The following SNTG1 variants were observed in gnomAD, a reference collection of about 807,000 sequenced individuals.
The protein encoded by SNTG1 is syntrophin gamma 1, also known as gamma-1-syntrophin.
In SNTG1, 39 loss-of-function variants were observed where a neutral mutation model predicts 74.7. That is an observed-to-expected ratio of 0.52 (90% CI 0.40 to 0.68). The LOEUF (loss-of-function observed/expected upper bound fraction) is 0.68. SNTG1 is among the 30% of genes least tolerant of loss of function. The pLI is 0.00. For synonymous variants in SNTG1, 254 were observed against 217.1 expected, an observed-to-expected ratio of 1.17 and a Z score of -1.49; for missense variants, 685 against 609.5, an observed-to-expected ratio of 1.12 and a Z score of -1.30.
chr8:50,220,157 T>G (rs2084991988), intron 2 of SNTG1, among the ~76,000 whole-genome samples: 1 of 152,054 alleles, frequency 6.6e-6, no homozygotes, highest in South Asian at 2.1e-4. Context: ...AGATAAAATT[T>G]TATTGATCAT....
intron 2 of SNTG1, among the ~76,000 whole-genome samples, chr8:50,361,490 A>G (rs1002306186): frequency 6.6e-6 from 1 of 152,272 alleles, no homozygotes; most frequent in Non-Finnish European, 1.5e-5. Flanking sequence ...GTTGGGATCT[A>G]TGGTTTCAAA....
At chr8:50,516,595 T>G (rs1040352294) in intron 9 of SNTG1, among the ~76,000 whole-genome samples, 3 of 152,050 alleles carry the variant, frequency 2.0e-5, no homozygotes, top group Non-Finnish European at 4.4e-5. Flanking sequence ...TAGAGAAGAA[T>G]ATAAATGACC....
chr8:50,088,283 C>A (rs1345018417), intron 1 of SNTG1, among the ~76,000 whole-genome samples: 1 of 148,786 alleles, frequency 6.7e-6, no homozygotes, highest in African/African-American at 2.5e-5. Flanking sequence ...CTATGACAAA[C>A]CCACAGCCAA....
At chr8:50,203,484 G>T (rs1337068113) in intron 2 of SNTG1, among the ~76,000 whole-genome samples, 1 of 152,090 alleles carries the variant, frequency 6.6e-6, no homozygotes, top group Non-Finnish European at 1.5e-5. Flanking sequence ...TTGTTGTAAG[G>T]AGTGGAGTAG....
intron 13 of SNTG1, among the ~76,000 whole-genome samples, chr8:50,607,759 C>A (rs2094823209): frequency 6.6e-6 from 1 of 151,104 alleles, no homozygotes; most frequent in African/African-American, 2.4e-5. Context: ...CTTCTTTTGG[C>A]TTTCTGTTTA....
At chr8:50,395,506 G>GT (rs1554514155) in intron 3 of SNTG1, among the ~76,000 whole-genome samples, 2,469 of 135,632 alleles carry the variant, frequency 0.018, 82 homozygotes, top group African/African-American at 0.062. Flanking sequence ...TCTAATTTCT[G>GT]TTTTTTTTTT....
intron 1 of SNTG1, among the ~76,000 whole-genome samples, chr8:49,961,864 A>G (rs1294744889): frequency 1.3e-5 from 2 of 152,216 alleles, no homozygotes; most frequent in Non-Finnish European, 2.9e-5. Flanking sequence ...AAACCACACA[A>G]TTAAGTACTA....
intron 1 of SNTG1, among the ~76,000 whole-genome samples, chr8:50,050,009 T>C (rs1327522919): frequency 6.6e-6 from 1 of 151,544 alleles, no homozygotes; most frequent in Non-Finnish European, 1.5e-5. Flanking sequence ...ATAAAATAAA[T>C]ATTGAAATCA....
At chr8:50,520,301 T>C (rs890299367) in intron 9 of SNTG1, among the ~76,000 whole-genome samples, 4 of 152,174 alleles carry the variant, frequency 2.6e-5, no homozygotes, top group Non-Finnish European at 4.4e-5. Flanking sequence ...CAAGATGGAT[T>C]GAAGACTTAA....
At chr8:50,718,260 A>G (rs527342594) in intron 17 of SNTG1, among the ~76,000 whole-genome samples, 1 of 152,310 alleles carries the variant, frequency 6.6e-6, no homozygotes, top group African/African-American at 2.4e-5. Flanking sequence ...ACACTGACAG[A>G]GGAGGAGGAA....
At chr8:50,776,540 C>A (rs1038776380) in intron 18 of SNTG1, among the ~76,000 whole-genome samples, 1 of 147,074 alleles carries the variant, frequency 6.8e-6, no homozygotes, top group African/African-American at 2.5e-5. Flanking sequence ...TTATACTATT[C>A]TTTATATAAT....
At chr8:50,681,948 C>A (rs950693151) in intron 15 of SNTG1, among the ~76,000 whole-genome samples, 7 of 152,158 alleles carry the variant, frequency 4.6e-5, no homozygotes, top group African/African-American at 1.7e-4. Context: ...GTTGCTCTTG[C>A]CCAAGACCTT....
chr8:50,485,241 T>C (rs1190921692), intron 8 of SNTG1, among the ~76,000 whole-genome samples: 4 of 152,228 alleles, frequency 2.6e-5, no homozygotes, highest in Non-Finnish European at 5.9e-5. Flanking sequence ...TTTCCTTGTT[T>C]GTTGTATCAC....
At chr8:50,692,699 G>A (rs1387187583) in intron 15 of SNTG1, among the ~76,000 whole-genome samples, 2 of 152,152 alleles carry the variant, frequency 1.3e-5, no homozygotes, top group Non-Finnish European at 2.9e-5. Context: ...TGGGGGTCAG[G>A]GACCCACTTG....
chr8:50,050,833 A>T (rs1819506802), intron 1 of SNTG1, among the ~76,000 whole-genome samples: 1 of 152,106 alleles, frequency 6.6e-6, no homozygotes, highest in African/African-American at 2.4e-5. Flanking sequence ...AGTATTGTAA[A>T]TTGTATTTAT....
At chr8:50,229,656 C>CT (rs2085516336) in intron 2 of SNTG1, among the ~76,000 whole-genome samples, 2 of 93,586 alleles carry the variant, frequency 2.1e-5, no homozygotes, top group Non-Finnish European at 5.9e-5. Flanking sequence ...ACTTTATCAC[C>CT]CTTTTTTTTA....
intron 12 of SNTG1, among the ~76,000 whole-genome samples, chr8:50,584,020 G>T (rs567344880): frequency 6.6e-6 from 1 of 152,070 alleles, no homozygotes; most frequent in Non-Finnish European, 1.5e-5. Flanking sequence ...AGAACATGCG[G>T]TGTTTGGTTT....
Position 50,695,186 on chromosome 8 carries a change from A to AT in SNTG1, c.1039-9414_1039-9413insT, listed in dbSNP as rs1191008837. On this transcript the variant is annotated intron_variant, in intron 15 of 18. Transcript: ENST00000642720. ...GATATGATCTTATATGTAAAAAAAA[A>AT]CCCAAGATCCCCCCACTCACACACA... Among the ~76,000 whole-genome samples, 5 of 151,266 alleles carry AT rather than the reference A, an allele frequency of 3.3e-5. No homozygotes were observed. The East Asian group carries it at 9.7e-4, about 29-fold the overall frequency.
At chr8:50,203,220 T>A (rs191237360) in intron 2 of SNTG1, among the ~76,000 whole-genome samples, 1 of 152,302 alleles carries the variant, frequency 6.6e-6, no homozygotes, top group East Asian at 1.9e-4. Flanking sequence ...TCAGAGTTTT[T>A]CAGTTCTAGC....
Sources: allele counts gnomAD v4.1 joint callset (sites outside exome capture counted in the v4.1 genomes callset), GRCh38; gene constraint gnomAD v4.1.1; transcripts MANE v1.5; gene names NCBI Gene and HGNC (gene_info 2026-07-23, HGNC 2026-07-21).